CBFA2T3: variants seen among roughly 807,000 people sequenced by gnomAD.
CBFA2T3 encodes the protein transcriptional corepressor CBFA2T3.
CBFA2T3 carries 31 observed loss-of-function variants against 58.6 expected under a neutral mutation model. The observed-to-expected ratio is 0.53, with a 90% CI of 0.40 to 0.71. The LOEUF (loss-of-function observed/expected upper bound fraction) is 0.71, where lower values mean the gene tolerates loss of function less well. CBFA2T3 is among the 30% of genes least tolerant of loss of function. The pLI is 0.00. For missense variants in CBFA2T3, 1,076 were observed against 963.1 expected (o/e 1.12, Z -1.55); for synonymous variants, 531 against 421.9 (o/e 1.26, Z -3.17).
At position 88,876,971 on chromosome 16, in the gene CBFA2T3, T is replaced by G. The variant is rs1246156021; in HGVS notation, c.*5A>C. 3 of 1,425,884 alleles carry G rather than the reference T, an allele frequency of 2.1e-6. No individual in the cohort carries two copies. The highest frequency in any genetic ancestry group is 2.7e-6 in the Non-Finnish European group (3 of 1,095,490). The allele number at this position is 1,425,884 out of a possible 1,614,324, so 88.3% of individuals were successfully genotyped here. A position where few individuals can be genotyped will look rare whatever the true frequency, so the allele number is the denominator to read the frequency against. On this transcript the variant is annotated 3_prime_UTR_variant, in exon 12 of 12. Coordinates refer to ENST00000268679, the MANE Select transcript of CBFA2T3 (RefSeq NM_005187.6). Reference sequence around the variant, plus strand: ...CTGTGTCCGGCAGGCCAGGGGCCAGTGGGGTCAGCGGGGCACGGTGTCCAG... The same window carrying G: ...CTGTGTCCGGCAGGCCAGGGGCCAGGGGGGTCAGCGGGGCACGGTGTCCAG...
chr16:88,963,338 C>CT (rs36069741), intron 1 of CBFA2T3, among the ~76,000 whole-genome samples: 136 of 135,880 alleles, frequency 1.0e-3, no homozygotes, highest in African/African-American at 2.8e-3. Context: ...TTCTGCCAGG[C>CT]TTTTTTTTTT....
intron 3 of CBFA2T3, among the ~76,000 whole-genome samples, chr16:88,894,390 T>G (rs895224911): frequency 9.1e-6 from 1 of 109,860 alleles, no homozygotes; most frequent in Non-Finnish European, 1.8e-5. Flanking sequence ...TGTACACACA[T>G]GCACACACAC....
rs1365133205 is a variant in CBFA2T3, at chr16:88,937,221, G to A, written c.152-35565C>T. 2.0e-5 allele frequency: 3 copies of A among 152,246 alleles called. No individual in the cohort carries two copies. The East Asian group carries it at 5.8e-4, about 29-fold the overall frequency. The allele number at this position is 152,246 out of a possible 1,614,324, so 9.4% of individuals were successfully genotyped here. On this transcript the variant is annotated intron_variant, in intron 1 of 11. Coordinates refer to ENST00000268679, the MANE Select transcript of CBFA2T3 (RefSeq NM_005187.6). ...GTGGAGAATAAAACCCCCAGGAAAGGATCTGGGGTGTCGTTCACTGACGCA... is the reference window on the plus strand; with the variant it reads ...GTGGAGAATAAAACCCCCAGGAAAGAATCTGGGGTGTCGTTCACTGACGCA...
rs1005341286 is a variant in CBFA2T3, at chr16:88,953,164, G to C, written c.151+23493C>G. 6.6e-6 allele frequency among the ~76,000 whole-genome samples: 1 copy of C among 152,178 alleles called. No homozygotes were observed. Among genetic ancestry groups the C allele is most frequent in the African/African-American group, 2.4e-5 (1 of 41,424 alleles). On this transcript the variant is annotated intron_variant, in intron 1 of 11. Transcript: ENST00000268679. The surrounding 1 kb of genome is among the most constrained non-coding windows in gnomAD (Gnocchi z 4.9). The stretch of plus-strand genomic sequence containing the variant: ...CAGAGGAGGAGGAATGAGGAGTGCC[G>C]TGCCTGGGCTGGGCCATCGCCTCTC...
intron 1 of CBFA2T3, among the ~76,000 whole-genome samples, chr16:88,908,484 G>A (rs1026540246): frequency 3.9e-5 from 6 of 152,188 alleles, no homozygotes; most frequent in East Asian, 3.8e-4. Context: ...AGAGGAAGCC[G>A]CTTTGCAGGT....
intron 1 of CBFA2T3, among the ~76,000 whole-genome samples, chr16:88,922,261 A>G (rs1970946408): frequency 6.6e-6 from 1 of 152,240 alleles, no homozygotes; most frequent in Non-Finnish European, 1.5e-5. Context: ...TCTGCAGTCT[A>G]AGGATGCGGA....
intron 1 of CBFA2T3, among the ~76,000 whole-genome samples, chr16:88,975,262 T>TGACCTGCAGC (rs1567644186): frequency 4.0e-5 from 3 of 75,362 alleles, no homozygotes; most frequent in Non-Finnish European, 3.4e-5. Flanking sequence ...ACCCTCTGTT[T>TGACCTGCAGC]CATGCCTCTA....
chr16:88,933,210 C>T (rs1044710296), intron 1 of CBFA2T3, among the ~76,000 whole-genome samples: 3 of 152,256 alleles, frequency 2.0e-5, no homozygotes, highest in Non-Finnish European at 4.4e-5. Flanking sequence ...TGGTCAACTC[C>T]TGGGGGCTGT....
intron 3 of CBFA2T3, among the ~76,000 whole-genome samples, chr16:88,893,343 G>A (rs1281557734): frequency 2.0e-5 from 3 of 150,450 alleles, no homozygotes; most frequent in East Asian, 1.9e-4. Context: ...AGCAATATGC[G>A]CTGCAGGTGC....
Position 88,892,270 on chromosome 16 carries a change from C to G in CBFA2T3, c.595G>C (p.Val199Leu). 1 of 1,611,346 alleles carries G rather than the reference C, an allele frequency of 6.2e-7. No homozygotes were observed. Among genetic ancestry groups the G allele is most frequent in the Non-Finnish European group, 8.5e-7 (1 of 1,179,866 alleles). Residue 199 changes from valine to leucine, a missense_variant, in exon 4 of 12, where the codon GTG (valine) becomes CTG (leucine). Physicochemically the swap from Val to Leu is conservative, Grantham distance 32. Coordinates refer to ENST00000268679, the MANE Select transcript of CBFA2T3 (RefSeq NM_005187.6). ...ACCAGGCCCAGCACCAGTGTGCGCA[C>G]GCGCTCCCCAATCTCTGGGGAGATG... ...SDISPEIGER[V>L]RTLVLGLVNS...
chr16:88,891,837 C>T, intron 5 of CBFA2T3, 45 bp downstream of exon 5: 1 of 1,403,924 alleles, frequency 7.1e-7, no homozygotes, highest in African/African-American at 1.4e-5. Context: ...ATTAAGGGGC[C>T]TTCTAGGGAG....
intron 3 of CBFA2T3, among the ~76,000 whole-genome samples, chr16:88,894,138 A>C (rs1020926219): frequency 8.6e-5 from 13 of 152,018 alleles, no homozygotes; most frequent in Non-Finnish European, 1.8e-4. Flanking sequence ...CTCACCCCCC[A>C]CCACCCTTAC....
chr16:88,903,907 C>T (rs989760806), intron 1 of CBFA2T3, among the ~76,000 whole-genome samples: 5 of 152,266 alleles, frequency 3.3e-5, no homozygotes, highest in African/African-American at 1.2e-4. Flanking sequence ...AGCCACGAGA[C>T]TTGAATAAAA....
intron 1 of CBFA2T3, among the ~76,000 whole-genome samples, chr16:88,910,544 A>C (rs1185220894): frequency 6.6e-6 from 1 of 152,330 alleles, no homozygotes; most frequent in African/African-American, 2.4e-5. Context: ...CTCCGGAGCC[A>C]CCGTCATCTG....
At chr16:88,931,877 G>T (rs1236714792) in intron 1 of CBFA2T3, among the ~76,000 whole-genome samples, 11 of 152,016 alleles carry the variant, frequency 7.2e-5, no homozygotes, top group Non-Finnish European at 1.6e-4. Flanking sequence ...GGGGAGGAGG[G>T]TTTGGGGAGG....
chr16:88,905,203 C>T (rs990987184), intron 1 of CBFA2T3, among the ~76,000 whole-genome samples: 6 of 152,040 alleles, frequency 3.9e-5, no homozygotes, highest in Admixed American at 6.5e-5. Context: ...CTGGGGCGGG[C>T]ACATCGTCTC....
chr16:88,883,858 G>C (rs1969241542), intron 7 of CBFA2T3: 1 of 152,312 alleles, frequency 6.6e-6, no homozygotes, highest in Non-Finnish European at 1.5e-5. Context: ...AGACATCAGA[G>C]GCTTCCAGGC....
At chr16:88,954,900 G>A (rs77183924) in intron 1 of CBFA2T3, among the ~76,000 whole-genome samples, 12 of 26,100 alleles carry the variant, frequency 4.6e-4, no homozygotes, top group East Asian at 2.5e-3. Context: ...CCTACCCAAG[G>A]CTCCTGACCC....
intron 5 of CBFA2T3, 193 bp from the exon 6 acceptor site, chr16:88,886,335 G>A (rs1969374761): frequency 2.3e-6 from 1 of 440,696 alleles, no homozygotes; most frequent in African/African-American, 2.0e-5. Context: ...TGGGAGGGTG[G>A]GCACAGAGCT....
Sources: gnomAD v4.1 joint callset for allele counts (sites outside exome capture counted in the v4.1 genomes callset) on GRCh38, gnomAD v4.1.1 for gene constraint, Gnocchi (gnomAD v3.1) non-coding constraint, MANE v1.5 for transcripts, NCBI Gene and HGNC (gene_info 2026-07-23, HGNC 2026-07-21) for gene names.